Variants in SDAD1 observed in about 807,000 individuals in gnomAD.
SDAD1 encodes SDA1 domain containing 1.
A neutral mutation model predicts 100.3 loss-of-function variants in SDAD1; 79 were observed. The ratio of observed to expected loss-of-function variants is 0.79; its 90% CI spans 0.66 to 0.95. SDAD1 has a LOEUF of 0.95. SDAD1 is among the 40% of genes least tolerant of loss of function. The pLI, the probability that SDAD1 is intolerant of heterozygous loss-of-function variation, is 0.00. For synonymous variants in SDAD1, 267 were observed against 271.4 expected (o/e 0.98, Z 0.16); for missense variants, 790 against 810.9 (o/e 0.97, Z 0.31).
chr4:75,990,563 T>C (rs1381270815), intron 1 of SDAD1, 189 bp downstream of exon 1: 3 of 1,218,044 alleles, frequency 2.5e-6, no homozygotes, highest in South Asian at 1.3e-5. Flanking sequence ...GCAACAGATT[T>C]TCAAGAGGTG....
chr4:75,963,755 CCAGA>C (rs1367244272), intron 14 of SDAD1, among the ~76,000 whole-genome samples: 2 of 152,090 alleles, frequency 1.3e-5, no homozygotes, highest in Admixed American at 6.5e-5. Context: ...CCACCAGGTG[CCAGA>C]CAGACACCAA....
chr4:75,962,631 G>A (rs111418669), intron 14 of SDAD1, among the ~76,000 whole-genome samples: 7 of 152,168 alleles, frequency 4.6e-5, no homozygotes, highest in African/African-American at 1.7e-4. Context: ...GTTTTGATTT[G>A]CATTTCTCTG....
chr4:75,970,989 C>G (rs1457748873), intron 9 of SDAD1, among the ~76,000 whole-genome samples: 1 of 152,138 alleles, frequency 6.6e-6, no homozygotes, highest in Non-Finnish European at 1.5e-5. Flanking sequence ...TGAAAACAAA[C>G]TAATACAATT....
intron 4 of SDAD1, among the ~76,000 whole-genome samples, chr4:75,976,927 A>G (rs183554450): frequency 5.5e-4 from 84 of 152,300 alleles, no homozygotes; most frequent in Non-Finnish European, 1.1e-3. Flanking sequence ...AAAATTTTAA[A>G]TTAATGAATG....
chr4:75,977,898 T>C (rs906062860), intron 3 of SDAD1, 142 bp from the exon 4 acceptor site: 57 of 598,936 alleles, frequency 9.5e-5, no homozygotes, highest in Non-Finnish European at 1.4e-4. Flanking sequence ...TCTGCCTTCA[T>C]GGAGCTTACA....
At chr4:75,984,778 A>AACACAAACACAC (rs572610212) in intron 1 of SDAD1, among the ~76,000 whole-genome samples, 6 of 136,928 alleles carry the variant, frequency 4.4e-5, no homozygotes, top group African/African-American at 1.1e-4. Flanking sequence ...CACACACACA[A>AACACAAACACAC]ACACACACAC....
chr4:75,978,505 T>C (rs1730287356), intron 3 of SDAD1, among the ~76,000 whole-genome samples: 1 of 152,090 alleles, frequency 6.6e-6, no homozygotes, highest in Non-Finnish European at 1.5e-5. Context: ...GCCTAGCAGC[T>C]GTGGCACTCT....
Position 75,957,338 on chromosome 4 carries a change from A to C in SDAD1, c.1841T>G (p.Leu614Arg), listed in dbSNP as rs752690471. Residue 614 changes from leucine (L) to arginine (R), a missense_variant, in exon 20 of 22, where the codon CTA becomes CGA. Leu to Arg is a moderately radical substitution (Grantham distance 102). Coordinates refer to ENST00000356260, the MANE Select transcript of SDAD1 (RefSeq NM_018115.4). ...KKPKSDKETR[L>R]ATAMAGKTDR... is the part of the protein sequence containing the mutation. ...ATGCTCACTCACCATTGCAGTTGCT[A>C]GTCTTGTCTCTTTGTCAGACTTTGG... The C allele has an allele frequency of 6.2e-6, 10 of 1,613,716 alleles. No homozygotes were observed. In the Admixed American group the frequency reaches 1.7e-4, roughly 27 times the overall value.
chr4:75,962,219 G>A (rs959259516), intron 14 of SDAD1, among the ~76,000 whole-genome samples: 2 of 152,210 alleles, frequency 1.3e-5, no homozygotes, highest in Non-Finnish European at 2.9e-5. Flanking sequence ...CCCTGCAAAG[G>A]ACATGAACTC....
rs1288777662 is a variant in SDAD1, at chr4:75,957,623, T to C, written c.1664A>G (p.Asp555Gly). 13 of 1,614,226 alleles carry C rather than the reference T, an allele frequency of 8.1e-6. No individual in the cohort carries two copies. The highest frequency in any genetic ancestry group is 1.1e-5 in the Non-Finnish European group (13 of 1,180,044). ...TTGGGCCATGCGGATTTTCTGGAAG[T>C]CTTCCTGAGTTAAAACTCGGCTAGT... ...ISTSRVLTQE[D>G]FQKIRMAQMR... The change falls in exon 19 of 22, where the codon GAC becomes GGC. Residue 555 changes from aspartate to glycine, a missense_variant. Coordinates refer to ENST00000356260, the MANE Select transcript of SDAD1 (RefSeq NM_018115.4).
In SDAD1 at chr4:75,965,800, A is replaced by C. The variant is rs747609105; in HGVS notation, c.1068T>G (p.Phe356Leu). The C allele has an allele frequency of 3.0e-5, 48 of 1,613,708 alleles. No individual in the cohort carries two copies. The highest frequency in any genetic ancestry group is 2.2e-5 in the East Asian group (1 of 44,888). ...HQREVTKILL[F>L]AAQASHHLVP... is the part of the protein sequence containing the mutation. ...CTAGGTGATGAGATGCTTGTGCAGC[A>C]AACAGAAGGATCTTGGTTACTTCTG... Residue 356 changes from phenylalanine (F) to leucine (L), a missense_variant, in exon 13 of 22, where the codon TTT (phenylalanine) becomes TTG (leucine). By Grantham distance (22) the Phe-to-Leu change is conservative. Transcript: ENST00000356260.
chr4:75,984,546 G>A (rs895999105), intron 1 of SDAD1, among the ~76,000 whole-genome samples: 3 of 152,028 alleles, frequency 2.0e-5, no homozygotes, highest in Non-Finnish European at 4.4e-5. Context: ...ACAGCCAATA[G>A]CAGTAGACAC....
chr4:75,958,176 C>A (rs1232072327), intron 17 of SDAD1, among the ~76,000 whole-genome samples: 3 of 152,190 alleles, frequency 2.0e-5, no homozygotes, highest in Non-Finnish European at 4.4e-5. Flanking sequence ...CTCTCTCTAA[C>A]CCTCATAACT....
rs1729853865 is a variant in SDAD1, at chr4:75,971,344, A to G, written c.813+13T>C. ...TAATCACTCCTATCTCATTTTCCAG[A>G]TACAAGTCCCACCTTGAGCACTTTC... is the stretch of plus-strand genomic sequence containing the variant. On this transcript the variant is annotated intron_variant, in intron 9 of 21. Transcript: ENST00000356260. The G allele has an allele frequency of 7.6e-6, 12 of 1,583,584 alleles. No individual in the cohort carries two copies. The highest frequency in any genetic ancestry group is 1.0e-5 in the Non-Finnish European group (12 of 1,152,918).
chr4:75,978,982 G>GAAAAACAAAAAAAAAAAAAA (rs1730323912), intron 3 of SDAD1, among the ~76,000 whole-genome samples: 1 of 38,036 alleles, frequency 2.6e-5, no homozygotes, highest in Non-Finnish European at 6.4e-5. Context: ...CCCTGTCTCA[G>GAAAAACAAAAAAAAAAAAAA]AAAAAAAAAA....
At chr4:75,965,235 G>A (rs1039292058) in intron 13 of SDAD1, among the ~76,000 whole-genome samples, 15 of 152,118 alleles carry the variant, frequency 9.9e-5, no homozygotes, top group Admixed American at 2.6e-4. Flanking sequence ...AATAAGCCCC[G>A]GTCTCCCGTG....
At chr4:75,975,166 A>T (rs1168240905) in intron 6 of SDAD1, among the ~76,000 whole-genome samples, 1 of 152,208 alleles carries the variant, frequency 6.6e-6, no homozygotes, top group Non-Finnish European at 1.5e-5. Context: ...TACTAACAGT[A>T]ATTGATTAAA....
chr4:75,971,332 C>A (rs1729853130), intron 9 of SDAD1, 25 bp downstream of exon 9: 1 of 1,507,896 alleles, frequency 6.6e-7, no homozygotes, highest in Non-Finnish European at 9.2e-7. Context: ...TCACTCCTAT[C>A]TCATTTTCCA....
intron 3 of SDAD1, among the ~76,000 whole-genome samples, chr4:75,979,394 T>G (rs918811151): frequency 6.6e-6 from 1 of 152,134 alleles, no homozygotes; most frequent in Non-Finnish European, 1.5e-5. Flanking sequence ...TTCCAGTGTG[T>G]TCAATGCTTC....
Sources: gnomAD v4.1 joint callset for allele counts (sites outside exome capture counted in the v4.1 genomes callset) on GRCh38, gnomAD v4.1.1 for gene constraint, MANE v1.5 for transcripts, NCBI Gene and HGNC (gene_info 2026-07-23, HGNC 2026-07-21) for gene names.